Variants in LPAR3 observed in about 807,000 individuals in gnomAD.
LPAR3 encodes LPA receptor 3.
In LPAR3, 7 loss-of-function variants were observed where a neutral mutation model predicts 17.8. The ratio of observed to expected loss-of-function variants is 0.39; its 90% CI spans 0.22 to 0.74. The LOEUF (loss-of-function observed/expected upper bound fraction) is 0.74. Among genes scored for constraint, LPAR3 ranks in the 30% least tolerant of loss-of-function variants. The probability of loss-of-function intolerance (pLI) is 0.40; values close to 1 mark genes in which losing one functional copy is unlikely to be tolerated. For missense variants in LPAR3, 391 were observed against 453.4 expected, an observed-to-expected ratio of 0.86 and a Z score of 1.25; for synonymous variants, 179 against 179.9, an observed-to-expected ratio of 0.99 and a Z score of 0.04.
intron 2 of LPAR3, among the ~76,000 whole-genome samples, chr1:84,825,432 G>A (rs1659137276): frequency 6.6e-6 from 1 of 152,200 alleles, no homozygotes; most frequent in South Asian, 2.1e-4. Flanking sequence ...ATATACCCAA[G>A]ATGATGTAAG....
chr1:84,859,770 TC>T (rs1659900785), intron 2 of LPAR3, among the ~76,000 whole-genome samples: 1 of 152,230 alleles, frequency 6.6e-6, no homozygotes, highest in Admixed American at 6.5e-5. Context: ...GGTTTGCAAG[TC>T]CCTTCCCTCT....
chr1:84,846,849 A>G (rs1659602693), intron 2 of LPAR3, among the ~76,000 whole-genome samples: 1 of 152,130 alleles, frequency 6.6e-6, no homozygotes, highest in Non-Finnish European at 1.5e-5. Flanking sequence ...TTTTTAAGAC[A>G]TACAAGCAGA....
intron 2 of LPAR3, among the ~76,000 whole-genome samples, chr1:84,826,422 A>AT (rs1357498753): frequency 6.6e-6 from 1 of 151,880 alleles, no homozygotes; most frequent in African/African-American, 2.4e-5. Flanking sequence ...GACAGAACTT[A>AT]TTTTTTTAAT....
chr1:84,879,590 C>T (rs1423545042), intron 1 of LPAR3, among the ~76,000 whole-genome samples: 1 of 152,112 alleles, frequency 6.6e-6, no homozygotes. Flanking sequence ...GGATTATAAG[C>T]GTGAGCCACC....
chr1:84,845,025 G>A (rs745793907), intron 2 of LPAR3, among the ~76,000 whole-genome samples: 8 of 152,170 alleles, frequency 5.3e-5, no homozygotes, highest in Non-Finnish European at 1.2e-4. Context: ...AAATTCTAGT[G>A]CCAAAGCACT....
intron 2 of LPAR3, among the ~76,000 whole-genome samples, chr1:84,835,447 ATGTGTGTACGTGTGTGTACG>A (rs371372104): frequency 6.6e-6 from 1 of 151,942 alleles, no homozygotes; most frequent in Non-Finnish European, 1.5e-5. Context: ...TGATTCGCAA[ATGTGTGTACGTGTGTGTACG>A]TGTGTGTACG....
At chr1:84,823,319 C>T (rs1048883558) in intron 2 of LPAR3, among the ~76,000 whole-genome samples, 2 of 152,132 alleles carry the variant, frequency 1.3e-5, no homozygotes, top group African/African-American at 4.8e-5. Context: ...AATTCATATT[C>T]ATTTAGCATT....
chr1:84,847,195 A>T (rs1370809593), intron 2 of LPAR3, among the ~76,000 whole-genome samples: 1 of 152,148 alleles, frequency 6.6e-6, no homozygotes, highest in Non-Finnish European at 1.5e-5. Context: ...TATCATTTTA[A>T]TGTATTTTAA....
At chr1:84,856,015 C>T (rs1659812456) in intron 2 of LPAR3, among the ~76,000 whole-genome samples, 1 of 152,146 alleles carries the variant, frequency 6.6e-6, no homozygotes, top group African/African-American at 2.4e-5. Context: ...ATCTCAGTCC[C>T]CACGTTCCCC....
intron 1 of LPAR3, among the ~76,000 whole-genome samples, chr1:84,886,620 T>A (rs915403355): frequency 6.6e-6 from 1 of 152,244 alleles, no homozygotes; most frequent in Admixed American, 6.5e-5. Context: ...AAGGTAACTA[T>A]GATGGGCATG....
At chr1:84,891,161 A>T (rs1288360951) in intron 1 of LPAR3, among the ~76,000 whole-genome samples, 1 of 68,264 alleles carries the variant, frequency 1.5e-5, no homozygotes, top group African/African-American at 7.2e-5. Context: ...CTGATCTGAT[A>T]AAAAAAAAAA....
Position 84,813,901 on chromosome 1 carries a change from T to C in LPAR3, c.1007A>G (p.Gln336Arg). 1 of 1,614,192 alleles carries C rather than the reference T, an allele frequency of 6.2e-7. No homozygotes were observed. Among genetic ancestry groups the C allele is most frequent in the Non-Finnish European group, 8.5e-7 (1 of 1,180,024 alleles). ...TTGGCTAATACTATCCTCTATGTACTGGCTGCCTGTGTCACTCCTGCTGAG... is the reference window on the plus strand; with the variant it reads ...TTGGCTAATACTATCCTCTATGTACCGGCTGCCTGTGTCACTCCTGCTGAG... ...TVLSRSDTGS[Q>R]YIEDSISQGA... is the part of the protein sequence containing the mutation. The change falls in exon 3 of 3, where the codon CAG (glutamine) becomes CGG (arginine). Residue 336 changes from glutamine to arginine, a missense_variant. Gln to Arg is a conservative substitution (Grantham distance 43). Transcript: ENST00000370611.
intron 1 of LPAR3, among the ~76,000 whole-genome samples, chr1:84,879,589 G>T (rs1046617358): frequency 2.6e-5 from 4 of 152,160 alleles, no homozygotes; most frequent in African/African-American, 9.7e-5. Context: ...GGGATTATAA[G>T]CGTGAGCCAC....
At chr1:84,836,989 A>G (rs1009561941) in intron 2 of LPAR3, among the ~76,000 whole-genome samples, 1 of 151,946 alleles carries the variant, frequency 6.6e-6, no homozygotes, top group African/African-American at 2.4e-5. Context: ...AGAAAAAAAT[A>G]ATTCTATCAC....
chr1:84,840,521 A>G (rs1009204667), intron 2 of LPAR3, among the ~76,000 whole-genome samples: 5 of 152,224 alleles, frequency 3.3e-5, no homozygotes. Flanking sequence ...AGAGGAAACA[A>G]TCCAGAAGTA....
rs370742697 is a variant in LPAR3, at chr1:84,881,856, T to C, written c.-19+11160A>G. ...AGGTGAGCCGAGTATTTAAAGAGCA[T>C]GGCCCCCACAGCTAACATCATACTC... On this transcript the variant is annotated intron_variant, in intron 1 of 2. Transcript: ENST00000370611. Among the ~76,000 whole-genome samples, 17 of 152,278 alleles carry C rather than the reference T, an allele frequency of 1.1e-4. No individual in the cohort carries two copies. In the East Asian group the frequency reaches 2.5e-3, roughly 22 times the overall value.
intron 1 of LPAR3, among the ~76,000 whole-genome samples, chr1:84,872,002 GTC>G (rs1660165830): frequency 6.6e-6 from 1 of 152,088 alleles, no homozygotes; most frequent in Non-Finnish European, 1.5e-5. Flanking sequence ...TTGGGCTACG[GTC>G]TATCTCCCCA....
At chr1:84,831,308 C>T (rs1313198569) in intron 2 of LPAR3, among the ~76,000 whole-genome samples, 2 of 152,046 alleles carry the variant, frequency 1.3e-5, no homozygotes, top group Non-Finnish European at 2.9e-5. Flanking sequence ...TGAAAATAAG[C>T]TGGCCTGGTG....
chr1:84,819,462 A>G (rs1659008544), intron 2 of LPAR3, among the ~76,000 whole-genome samples: 1 of 152,216 alleles, frequency 6.6e-6, no homozygotes, highest in South Asian at 2.1e-4. Flanking sequence ...AGGACTAAAA[A>G]GTTCCCTGGG....
Sources: gnomAD v4.1 joint callset for allele counts (sites outside exome capture counted in the v4.1 genomes callset) on GRCh38, gnomAD v4.1.1 for gene constraint, MANE v1.5 for transcripts, NCBI Gene and HGNC (gene_info 2026-07-23, HGNC 2026-07-21) for gene names.